Variants in EIF3A observed in about 807,000 individuals in gnomAD.
EIF3A encodes EIF3, p180 subunit.
A neutral mutation model predicts 186.6 loss-of-function variants in EIF3A; 21 were observed. The observed-to-expected ratio is 0.11, with a 90% CI of 0.08 to 0.16. The LOEUF (loss-of-function observed/expected upper bound fraction) is 0.16. Among genes scored for constraint, EIF3A ranks in the 10% least tolerant of loss-of-function variants. The pLI is 1.00. For synonymous variants in EIF3A, 563 were observed against 584.3 expected (o/e 0.96, Z 0.52); for missense variants, 1,306 against 1,796.3 (o/e 0.73, Z 4.93).
chr10:119,052,249 G>A (rs1407613876), intron 14 of EIF3A, among the ~76,000 whole-genome samples: 1 of 152,030 alleles, frequency 6.6e-6, no homozygotes, highest in African/African-American at 2.4e-5. Context: ...TTTTCACCAG[G>A]AGATTTCAAG....
At chr10:119,057,269 A>G (rs1331263628) in intron 12 of EIF3A, among the ~76,000 whole-genome samples, 2 of 152,156 alleles carry the variant, frequency 1.3e-5, no homozygotes, top group African/African-American at 2.4e-5. Context: ...CCCAGACTCT[A>G]CTAAATAGGG....
chr10:119,076,805 G>A (rs998900211), intron 1 of EIF3A, among the ~76,000 whole-genome samples: 1 of 151,852 alleles, frequency 6.6e-6, no homozygotes, highest in African/African-American at 2.4e-5. Context: ...GCATGGTGGT[G>A]CATGCCTGTA....
intron 14 of EIF3A, among the ~76,000 whole-genome samples, chr10:119,055,780 C>T (rs1026928934): frequency 2.0e-5 from 3 of 152,018 alleles, no homozygotes; most frequent in African/African-American, 7.2e-5. Flanking sequence ...CAACAAACAC[C>T]ATGGTTTAAT....
Position 119,059,342 on chromosome 10 carries a change from G to A in EIF3A, c.1499C>T (p.Ala500Val), listed in dbSNP as rs1192078295. Residue 500 changes from alanine to valine, a missense_variant, in exon 11 of 22, where the codon GCT (alanine) becomes GTT (valine). Physicochemically the swap from Ala to Val is moderately conservative, Grantham distance 64. Transcript: ENST00000369144. The stretch of plus-strand genomic sequence containing the variant: ...ACCAATCGGAGCATCTTCTCGAGTA[G>A]CATAATTCAAATCAGATCCAAAACT... ...TLSFGSDLNY[A>V]TREDAPIGPH... 9.9e-6 allele frequency: 16 copies of A among 1,611,708 alleles called. No homozygotes were observed. The highest frequency in any genetic ancestry group is 1.3e-5 in the African/African-American group (1 of 74,894).
At chr10:119,050,011 T>C in intron 16 of EIF3A, 26 bp from the exon 17 acceptor site, 1 of 1,607,620 alleles carries the variant, frequency 6.2e-7, no homozygotes, top group Non-Finnish European at 8.5e-7. Context: ...GGTTACTAAG[T>C]GTGCCTCCCA....
intron 17 of EIF3A, among the ~76,000 whole-genome samples, chr10:119,048,339 G>A (rs1297361493): frequency 3.3e-5 from 5 of 152,122 alleles, no homozygotes; most frequent in Non-Finnish European, 7.3e-5. Flanking sequence ...AGGCAGTAAT[G>A]TAGGAAAAGA....
At chr10:119,052,540 A>T (rs1848373583) in intron 14 of EIF3A, among the ~76,000 whole-genome samples, 1 of 151,792 alleles carries the variant, frequency 6.6e-6, no homozygotes, top group South Asian at 2.1e-4. Context: ...ATGCCTGGCT[A>T]ATTTTCCTGT....
chr10:119,048,836 A>C (rs1383538754), intron 17 of EIF3A, among the ~76,000 whole-genome samples: 1 of 151,978 alleles, frequency 6.6e-6, no homozygotes, highest in Non-Finnish European at 1.5e-5. Flanking sequence ...GCACCCAGCT[A>C]ATTTTTTTAT....
At position 119,042,642 on chromosome 10, in the gene EIF3A, G is replaced by A. The variant is rs1424754541; in HGVS notation, c.2878C>T (p.Arg960Cys). The A allele has an allele frequency of 1.4e-5, 22 of 1,614,022 alleles. No individual in the cohort carries two copies. The highest frequency in any genetic ancestry group is 5.3e-5 in the African/African-American group (4 of 74,910). ...LRPDDDRVPR[R>C]GMDDDRGPRR... ...GGGCCTCTGTCATCATCCATGCCAC[G>A]CCGGGGAACCCGATCATCGTCTGGT... Residue 960 changes from arginine to cysteine, a missense_variant, in exon 19 of 22, where the codon CGT becomes TGT. By Grantham distance (180) the Arg-to-Cys change is radical. This residue lies in a region of EIF3A where 410 missense variants were observed against 473.5 expected (regional missense o/e 0.87). Transcript: ENST00000369144. The surrounding 1 kb of genome is among the most constrained non-coding windows in gnomAD (Gnocchi z 7.8).
intron 17 of EIF3A, among the ~76,000 whole-genome samples, chr10:119,047,019 G>C (rs1009718516): frequency 6.6e-6 from 1 of 152,008 alleles, no homozygotes; most frequent in African/African-American, 2.4e-5. Context: ...TGTAATCCCA[G>C]CACTGTGAGA....
chr10:119,068,923 A>G (rs901276978), intron 6 of EIF3A, among the ~76,000 whole-genome samples: 1 of 149,216 alleles, frequency 6.7e-6, no homozygotes, highest in Non-Finnish European at 1.5e-5. Context: ...CAGTGAGCCA[A>G]TATCGTGCCA....
Position 119,061,271 on chromosome 10 carries a change from G to T in EIF3A, c.1180C>A (p.Leu394Ile), listed in dbSNP as rs748001196. 3.8e-6 allele frequency: 6 copies of T among 1,596,352 alleles called. No individual in the cohort carries two copies. The highest frequency in any genetic ancestry group is 5.1e-6 in the Non-Finnish European group (6 of 1,169,044). Residue 394 changes from leucine (L) to isoleucine (I), a missense_variant, in exon 8 of 22, where the codon CTT becomes ATT. Transcript: ENST00000369144. ...TTTAATGGGTTAAATTCTACTTCAA[G>T]CCAATTGTAAAGGTCTTTCACTTCT... ...VPEVKDLYNWLEVEFNPLKLC... is the reference protein window; with the variant it reads ...VPEVKDLYNWIEVEFNPLKLC...
intron 9 of EIF3A, among the ~76,000 whole-genome samples, chr10:119,060,425 A>G (rs1843866413): frequency 6.7e-6 from 1 of 148,946 alleles, no homozygotes; most frequent in Admixed American, 6.6e-5. Context: ...TCTAACAGGG[A>G]AAAAAAAAAT....
intron 1 of EIF3A, among the ~76,000 whole-genome samples, chr10:119,078,946 G>A (rs1844218912): frequency 6.8e-6 from 1 of 146,686 alleles, no homozygotes; most frequent in African/African-American, 2.7e-5. Flanking sequence ...CTACTAGCAC[G>A]GGGAAAAAAA....
At chr10:119,045,412 T>C (rs1232030989) in intron 17 of EIF3A, among the ~76,000 whole-genome samples, 1 of 152,166 alleles carries the variant, frequency 6.6e-6, no homozygotes, top group African/African-American at 2.4e-5. Flanking sequence ...CTAAGAGACT[T>C]TCCCAAGTAA....
rs1235642009 is a variant in EIF3A, at chr10:119,080,725, C to G, written c.-49G>C. 6.4e-7 allele frequency: 1 copy of G among 1,558,314 alleles called. No homozygotes were observed. Among genetic ancestry groups the G allele is most frequent in the Admixed American group, 1.9e-5 (1 of 51,860 alleles). ...CGGCGTCAGCGAACTCTCTAGTGGC[C>G]CGGGCCGGGAGAGGAGACGAAGGGG... is the stretch of plus-strand genomic sequence containing the variant. On this transcript the variant is annotated 5_prime_UTR_variant, in exon 1 of 22. Coordinates refer to ENST00000369144, the MANE Select transcript of EIF3A (RefSeq NM_003750.4).
intron 17 of EIF3A, 50 bp downstream of exon 17, chr10:119,049,751 A>G: frequency 1.9e-6 from 3 of 1,546,156 alleles, no homozygotes; most frequent in Non-Finnish European, 2.6e-6. Flanking sequence ...CTCAACCAAA[A>G]AAAAAAAGTC....
chr10:119,063,509 T>A (rs1019700931), intron 7 of EIF3A, among the ~76,000 whole-genome samples: 1 of 152,244 alleles, frequency 6.6e-6, no homozygotes, highest in Non-Finnish European at 1.5e-5. Context: ...CATTATCTTT[T>A]TGATTTCTTT....
At position 119,058,271 on chromosome 10, in the gene EIF3A, G is replaced by C. The variant is rs910448502; in HGVS notation, c.1662C>G (p.Val554=). The change falls in exon 12 of 22, where the codon GTC becomes GTG. Residue 554 remains valine (V), a synonymous_variant. Coordinates refer to ENST00000369144, the MANE Select transcript of EIF3A (RefSeq NM_003750.4). ...TTCGTGAATTTTTAAGGTATGCAGT[G>C]ACAGCCAACTGATGCTGTTCTTCTT... ...QEKEEQHQLA[V]TAYLKNSRKE... 1.2e-6 allele frequency: 2 copies of C among 1,604,364 alleles called. No individual in the cohort carries two copies. The highest frequency in any genetic ancestry group is 3.4e-5 in the Admixed American group (2 of 58,170).
Sources: allele counts gnomAD v4.1 joint callset (sites outside exome capture counted in the v4.1 genomes callset), GRCh38; gene constraint gnomAD v4.1.1; regional missense constraint gnomAD v4.1.1; non-coding constraint Gnocchi (gnomAD v3.1); transcripts MANE v1.5; gene names NCBI Gene and HGNC (gene_info 2026-07-23, HGNC 2026-07-21).